The following PLXNA4 variants were observed in gnomAD, a reference collection of about 807,000 sequenced individuals.
PLXNA4 encodes plexin A4.
In PLXNA4, 44 loss-of-function variants were observed where a neutral mutation model predicts 191.8. That is an observed-to-expected ratio of 0.23 (90% CI 0.18 to 0.29). PLXNA4 has a LOEUF of 0.29. Ranked by LOEUF, PLXNA4 falls within the 10% of genes least tolerant of loss-of-function variation. The pLI, the probability that PLXNA4 is intolerant of heterozygous loss-of-function variation, is 1.00. For missense variants in PLXNA4, 1,800 were observed against 2,488.8 expected, an observed-to-expected ratio of 0.72 and a Z score of 5.89; for synonymous variants, 1,082 against 1,009.5, an observed-to-expected ratio of 1.07 and a Z score of -1.36.
intron 3 of PLXNA4, among the ~76,000 whole-genome samples, chr7:132,386,388 T>A (rs1007227968): frequency 2.6e-5 from 4 of 152,232 alleles, no homozygotes; most frequent in Admixed American, 2.6e-4. Flanking sequence ...CCAGCTGGTC[T>A]CATTCCTGTT....
intron 3 of PLXNA4, among the ~76,000 whole-genome samples, chr7:132,474,257 C>CACACACACACACAT (rs1220851188): frequency 3.0e-5 from 4 of 135,480 alleles, no homozygotes; most frequent in African/African-American, 1.1e-4. Flanking sequence ...CACACACACA[C>CACACACACACACAT]ATGCACACAC....
chr7:132,129,181 G>T lies in PLXNA4; in HGVS notation c.*1298C>A, dbSNP rs1481032407. The T allele has an allele frequency of 6.6e-6, 1 of 152,280 alleles. No homozygotes were observed. The highest frequency in any genetic ancestry group is 1.5e-5 in the Non-Finnish European group (1 of 68,064). The allele number at this position is 152,280 out of a possible 1,614,324, so 9.4% of individuals were successfully genotyped here. A position where few individuals can be genotyped will look rare whatever the true frequency, so the allele number is the denominator to read the frequency against. On this transcript the variant is annotated 3_prime_UTR_variant, in exon 32 of 32. Transcript: ENST00000321063. ...CAGATCTGACAAGCTGGAGGCTGAG[G>T]TTGGCTGGCATTTTGGGCTGTCTCC...
chr7:132,572,577 G>C (rs1802028874), intron 1 of PLXNA4, among the ~76,000 whole-genome samples: 1 of 152,146 alleles, frequency 6.6e-6, no homozygotes, highest in South Asian at 2.1e-4. Context: ...CAAGGCCTGG[G>C]CTCTTGTTCC....
intron 4 of PLXNA4, among the ~76,000 whole-genome samples, chr7:132,297,399 G>T (rs545612222): frequency 2.0e-5 from 3 of 152,204 alleles, no homozygotes; most frequent in African/African-American, 7.2e-5. Flanking sequence ...CCCTTCCTTT[G>T]CCTGCTGCAG....
intron 6 of PLXNA4, 85 bp from the exon 7 acceptor site, chr7:132,227,689 G>A: frequency 1.9e-6 from 3 of 1,542,692 alleles, no homozygotes; most frequent in South Asian, 2.3e-5. Context: ...AAGTGGGAGA[G>A]TGAGAGAGAT....
chr7:132,626,916 T>C (rs751972584), intron 2 of PLXNA4, among the ~76,000 whole-genome samples: 3 of 152,118 alleles, frequency 2.0e-5, no homozygotes, highest in South Asian at 4.1e-4. Flanking sequence ...ACTCTGTCCG[T>C]TTCCTTTCAC....
chr7:132,249,664 C>T (rs148793102), intron 4 of PLXNA4, among the ~76,000 whole-genome samples: 230 of 152,326 alleles, frequency 1.5e-3, no homozygotes, highest in Admixed American at 2.7e-3. Context: ...CCCAAGGTCA[C>T]GCAGCAGGGC....
chr7:132,276,956 C>T (rs904948069), intron 4 of PLXNA4, among the ~76,000 whole-genome samples: 13 of 152,084 alleles, frequency 8.5e-5, no homozygotes, highest in African/African-American at 2.4e-4. Flanking sequence ...ATGGATTCAT[C>T]GTGGGGAGAA....
chr7:132,540,083 A>T (rs1800003696), intron 1 of PLXNA4, among the ~76,000 whole-genome samples: 1 of 152,154 alleles, frequency 6.6e-6, no homozygotes, highest in South Asian at 2.1e-4. Context: ...AGGGTCAGGG[A>T]TGCTCCTCTT....
chr7:132,198,396 G>T, intron 13 of PLXNA4, 89 bp downstream of exon 13: 1 of 1,505,220 alleles, frequency 6.6e-7, no homozygotes, highest in South Asian at 1.3e-5. Context: ...AACAAGCTCT[G>T]AGAGCACCTA....
chr7:132,133,262 T>C, intron 30 of PLXNA4, 63 bp from the exon 31 acceptor site: 2 of 1,584,002 alleles, frequency 1.3e-6, no homozygotes, highest in Non-Finnish European at 1.7e-6. Flanking sequence ...GAGAGATGGA[T>C]GCTCCCAGCA....
chr7:132,576,489 G>T, upstream of PLXNA4: 1 of 985,590 alleles, frequency 1.0e-6, no homozygotes, highest in South Asian at 4.7e-5. The surrounding 1 kb of genome is among the most constrained non-coding windows in gnomAD (Gnocchi z 5.8). Flanking sequence ...AGCCTATGCC[G>T]CTGCCTCTCG....
At chr7:132,307,875 ACAG>A (rs1801589699) in intron 3 of PLXNA4, among the ~76,000 whole-genome samples, 1 of 152,166 alleles carries the variant, frequency 6.6e-6, no homozygotes. Context: ...AATTAATTAG[ACAG>A]GCAGTGTGTG....
chr7:132,333,450 G>A (rs1291974578), intron 3 of PLXNA4, among the ~76,000 whole-genome samples: 2 of 152,208 alleles, frequency 1.3e-5, no homozygotes, highest in Admixed American at 1.3e-4. Context: ...GCAACCATGA[G>A]TAATCTAGGC....
intron 3 of PLXNA4, among the ~76,000 whole-genome samples, chr7:132,347,205 C>A (rs376742410): frequency 3.5e-4 from 53 of 152,234 alleles, no homozygotes; most frequent in African/African-American, 1.1e-3. Flanking sequence ...GAATCCCTTC[C>A]CCCCAAAAAA....
chr7:132,361,325 C>T (rs570120054), intron 3 of PLXNA4, among the ~76,000 whole-genome samples: 1 of 152,180 alleles, frequency 6.6e-6, no homozygotes, highest in Admixed American at 6.5e-5. Context: ...GAGAACAGAG[C>T]CAACACGTGT....
chr7:132,344,283 C>T (rs1421788709), intron 3 of PLXNA4, among the ~76,000 whole-genome samples: 1 of 152,142 alleles, frequency 6.6e-6, no homozygotes, highest in Non-Finnish European at 1.5e-5. Flanking sequence ...CCACTGTGTG[C>T]AACCTCAATG....
At chr7:132,290,526 T>C (rs1053644725) in intron 4 of PLXNA4, among the ~76,000 whole-genome samples, 2 of 152,186 alleles carry the variant, frequency 1.3e-5, no homozygotes, top group Non-Finnish European at 2.9e-5. Context: ...CTGGTTTCAG[T>C]GTGTATAGAC....
At chr7:132,166,953 A>C (rs1357363903) in intron 22 of PLXNA4, among the ~76,000 whole-genome samples, 3 of 152,188 alleles carry the variant, frequency 2.0e-5, no homozygotes, top group East Asian at 3.9e-4. Context: ...TGAAGTAAAC[A>C]CTTCTGAAAG....
Sources: gnomAD v4.1 joint callset for allele counts (sites outside exome capture counted in the v4.1 genomes callset) on GRCh38, gnomAD v4.1.1 for gene constraint, Gnocchi (gnomAD v3.1) non-coding constraint, MANE v1.5 for transcripts, NCBI Gene and HGNC (gene_info 2026-07-23, HGNC 2026-07-21) for gene names.